Variants in MTCL2 observed in about 807,000 individuals in gnomAD.
The protein encoded by MTCL2 is microtubule cross-linking factor 2.
the MTCL2 span, chr20:36,797,045 T>A: frequency 2.7e-6 from 3 of 1,109,896 alleles, no homozygotes; most frequent in Non-Finnish European, 4.1e-6. Flanking sequence ...AGTGCTTGAA[T>A]CTCCTCATCC....
the MTCL2 span, among the ~76,000 whole-genome samples, chr20:36,846,629 C>T: frequency 3.9e-5 from 6 of 152,216 alleles, no homozygotes; most frequent in Admixed American, 3.9e-4. Context: ...GTCCCCTTAC[C>T]GGGTCCTGAG....
the MTCL2 span, chr20:36,781,637 G>T: frequency 3.0e-4 from 46 of 151,526 alleles, no homozygotes; most frequent in Admixed American, 2.4e-3. Flanking sequence ...CTTGAGCCCA[G>T]GAGTTTGAAA....
At chr20:36,826,819 A>G in the MTCL2 span, among the ~76,000 whole-genome samples, 4 of 152,094 alleles carry the variant, frequency 2.6e-5, no homozygotes, top group South Asian at 2.1e-4. Context: ...GGGTGTGTAA[A>G]TATCTCTTTG....
the MTCL2 span, chr20:36,812,929 T>C: frequency 6.7e-7 from 1 of 1,490,258 alleles, no homozygotes. Context: ...ACCCCAGGCC[T>C]CTGCGCTCCC....
the MTCL2 span, chr20:36,828,851 G>A: frequency 1.7e-6 from 1 of 571,498 alleles, no homozygotes; most frequent in Non-Finnish European, 3.0e-6. Context: ...GTTCACCATT[G>A]TAACCTTAGT....
the MTCL2 span, among the ~76,000 whole-genome samples, chr20:36,787,156 C>G: frequency 5.9e-5 from 9 of 151,840 alleles, no homozygotes; most frequent in African/African-American, 1.7e-4. Flanking sequence ...CCTGGCTGAT[C>G]GCCTTCTTTT....
At chr20:36,784,216 G>GC in the MTCL2 span, 8 of 986,290 alleles carry the variant, frequency 8.1e-6, no homozygotes, top group East Asian at 1.1e-4. Flanking sequence ...ACCTTGGAGG[G>GC]CCCCCCTGAC....
chr20:36,855,836 CGGA>C, the MTCL2 span, among the ~76,000 whole-genome samples: 1 of 152,162 alleles, frequency 6.6e-6, no homozygotes, highest in Non-Finnish European at 1.5e-5. Flanking sequence ...AGCATGCACA[CGGA>C]GGAGGTGACA....
At chr20:36,859,640 T>C in the MTCL2 span, 1 of 1,231,776 alleles carries the variant, frequency 8.1e-7, no homozygotes, top group South Asian at 4.1e-5. Flanking sequence ...CTTTCCTCAC[T>C]TGGACCCCAG....
the MTCL2 span, among the ~76,000 whole-genome samples, chr20:36,850,923 C>G: frequency 6.6e-6 from 1 of 152,122 alleles, no homozygotes; most frequent in African/African-American, 2.4e-5. Context: ...GGAGGAAGCT[C>G]ACATGCAGGA....
At chr20:36,859,229 A>T in the MTCL2 span, among the ~76,000 whole-genome samples, 1 of 152,108 alleles carries the variant, frequency 6.6e-6, no homozygotes, top group Non-Finnish European at 1.5e-5. Context: ...CTCCATCCAC[A>T]CCCAGTGGGT....
At chr20:36,862,512 G>T in the MTCL2 span, 1 of 688,038 alleles carries the variant, frequency 1.5e-6, no homozygotes, top group Non-Finnish European at 2.1e-6. Context: ...GGGAGCCCCA[G>T]ATCCACCTCA....
the MTCL2 span, chr20:36,816,343 T>C: frequency 6.6e-7 from 1 of 1,518,892 alleles, no homozygotes; most frequent in Non-Finnish European, 8.8e-7. Context: ...CCAGGAAGGT[T>C]AGTGCTGGGA....
the MTCL2 span, among the ~76,000 whole-genome samples, chr20:36,798,939 G>A: frequency 6.6e-6 from 1 of 152,144 alleles, no homozygotes. Context: ...CAAAGTCCCA[G>A]GAACGCGCTC....
At chr20:36,858,317 C>A in the MTCL2 span, among the ~76,000 whole-genome samples, 14 of 114,944 alleles carry the variant, frequency 1.2e-4, no homozygotes, top group Non-Finnish European at 1.8e-4. Context: ...GGAAAACACA[C>A]ACACACACAC....
the MTCL2 span, among the ~76,000 whole-genome samples, chr20:36,804,460 A>G: frequency 1.2e-4 from 18 of 152,156 alleles, no homozygotes; most frequent in Non-Finnish European, 2.2e-4. Context: ...GCAAATGAGG[A>G]CAGCAGGCAG....
At chr20:36,842,748 G>C in the MTCL2 span, among the ~76,000 whole-genome samples, 1 of 152,166 alleles carries the variant, frequency 6.6e-6, no homozygotes, top group Non-Finnish European at 1.5e-5. Flanking sequence ...CTCCAGCCTG[G>C]GCAGCAGAGC....
the MTCL2 span, among the ~76,000 whole-genome samples, chr20:36,841,096 G>C: frequency 1.4e-5 from 2 of 143,412 alleles, no homozygotes; most frequent in Non-Finnish European, 3.0e-5. Flanking sequence ...GATCATTTGA[G>C]GTCAGGAGTT....
chr20:36,859,666 A>C, the MTCL2 span: 1 of 1,231,534 alleles, frequency 8.1e-7, no homozygotes, highest in South Asian at 4.1e-5. Flanking sequence ...ACCATACCAG[A>C]CTGGAGATCA....
Sources: gnomAD v4.1 joint callset for allele counts (sites outside exome capture counted in the v4.1 genomes callset) on GRCh38, gnomAD v4.1.1 for gene constraint, MANE v1.5 for transcripts, NCBI Gene and HGNC (gene_info 2026-07-23, HGNC 2026-07-21) for gene names.